HS3ST4: variants seen among roughly 807,000 people sequenced by gnomAD.
HS3ST4 encodes the protein heparan sulfate-glucosamine 3-sulfotransferase 4.
A neutral mutation model predicts 29.2 loss-of-function variants in HS3ST4; 17 were observed. The observed-to-expected ratio is 0.58, with a 90% CI of 0.40 to 0.87. The LOEUF is 0.87. Ranked by LOEUF, HS3ST4 falls within the 40% of genes least tolerant of loss-of-function variation. The pLI is 0.00. For missense variants in HS3ST4, 627 were observed against 634.5 expected, an observed-to-expected ratio of 0.99 and a Z score of 0.13; for synonymous variants, 314 against 285.7, an observed-to-expected ratio of 1.10 and a Z score of -1.00.
intron 1 of HS3ST4, among the ~76,000 whole-genome samples, chr16:25,717,779 C>G (rs1966466485): frequency 6.6e-6 from 1 of 152,010 alleles, no homozygotes; most frequent in Non-Finnish European, 1.5e-5. Context: ...ATGGTTTTAG[C>G]AGAGGGGTGG....
At chr16:25,722,533 G>C (rs769257026) in intron 1 of HS3ST4, among the ~76,000 whole-genome samples, 9 of 152,204 alleles carry the variant, frequency 5.9e-5, no homozygotes, top group Non-Finnish European at 1.0e-4. Flanking sequence ...ACAATACCGG[G>C]CCAGGGCATA....
rs1966266964 is a variant in HS3ST4, at chr16:25,692,925, G to A, written c.508G>A (p.Asp170Asn). Residue 170 changes from aspartate (D) to asparagine (N), a missense_variant, in exon 1 of 2, where the codon GAT (aspartate) becomes AAT (asparagine). Asp to Asn is a conservative substitution (Grantham distance 23). Coordinates refer to ENST00000331351, the MANE Select transcript of HS3ST4 (RefSeq NM_006040.3). The stretch of plus-strand genomic sequence containing the variant: ...GCAGGAGTCCAGCACCACCGACGAG[G>A]ATCTCGCAGGCCGGAGAGCGGCCAA... ...EAQESSTTDE[D>N]LAGRRAANGS... The A allele has an allele frequency of 1.2e-6, 2 of 1,605,210 alleles. No individual in the cohort carries two copies. Among genetic ancestry groups the A allele is most frequent in the East Asian group, 4.5e-5 (2 of 44,512 alleles).
rs534758916 is a variant in HS3ST4 at position 25,888,795 on chromosome 16, A to C, written c.734+195644A>C. Among the ~76,000 whole-genome samples the C allele has an allele frequency of 7.1e-4, 106 of 149,762 alleles. No homozygotes were observed. The Middle Eastern group carries it at 0.017, about 24-fold the overall frequency. ...CAAGAGGTATTCACAACAACAACAAAACAACAACAACAACAACAACTCTGA... is the reference window on the plus strand; with the variant it reads ...CAAGAGGTATTCACAACAACAACAACACAACAACAACAACAACAACTCTGA... On this transcript the variant is annotated intron_variant, in intron 1 of 1. Coordinates refer to ENST00000331351, the MANE Select transcript of HS3ST4 (RefSeq NM_006040.3).
intron 1 of HS3ST4, among the ~76,000 whole-genome samples, chr16:25,730,700 C>T (rs1966565366): frequency 6.7e-6 from 1 of 148,770 alleles, no homozygotes; most frequent in South Asian, 2.2e-4. Context: ...CTCCCTTCTT[C>T]CTTCCTTCCG....
intron 1 of HS3ST4, among the ~76,000 whole-genome samples, chr16:25,939,294 G>A (rs1481108562): frequency 6.7e-6 from 1 of 150,256 alleles, no homozygotes; most frequent in East Asian, 1.9e-4. Context: ...ACTTTTAAAT[G>A]CTGACAGCAT....
chr16:26,027,126 TTAAAG>T (rs1407571839), intron 1 of HS3ST4, among the ~76,000 whole-genome samples: 1 of 152,236 alleles, frequency 6.6e-6, no homozygotes, highest in Non-Finnish European at 1.5e-5. Flanking sequence ...AAAATAAAAC[TTAAAG>T]TAAAATCTGT....
intron 1 of HS3ST4, among the ~76,000 whole-genome samples, chr16:25,897,117 G>A (rs1968074071): frequency 6.6e-6 from 1 of 152,056 alleles, no homozygotes; most frequent in East Asian, 1.9e-4. Context: ...TACCTTTGTA[G>A]CACACCTGCA....
At chr16:25,706,525 G>A (rs1407064009) in intron 1 of HS3ST4, among the ~76,000 whole-genome samples, 8 of 151,838 alleles carry the variant, frequency 5.3e-5, no homozygotes, top group Admixed American at 5.3e-4. Flanking sequence ...AATGCTCTCC[G>A]TCCCCTAGCT....
At chr16:25,701,241 G>A (rs1484706022) in intron 1 of HS3ST4, among the ~76,000 whole-genome samples, 3 of 152,154 alleles carry the variant, frequency 2.0e-5, no homozygotes, top group African/African-American at 7.2e-5. Context: ...TTTTTCTTAA[G>A]AACTTCTGTA....
At chr16:26,011,858 A>T (rs757522356) in intron 1 of HS3ST4, among the ~76,000 whole-genome samples, 1 of 151,932 alleles carries the variant, frequency 6.6e-6, no homozygotes, top group Admixed American at 6.6e-5. Flanking sequence ...TGAGGTTGAG[A>T]TCTATGTCAC....
At chr16:25,780,443 G>T (rs1295852480) in intron 1 of HS3ST4, among the ~76,000 whole-genome samples, 1 of 152,134 alleles carries the variant, frequency 6.6e-6, no homozygotes, top group African/African-American at 2.4e-5. Flanking sequence ...GATCATAGGG[G>T]TCTCTTGTTG....
chr16:25,873,543 T>A (rs1355152795), intron 1 of HS3ST4, among the ~76,000 whole-genome samples: 1 of 150,782 alleles, frequency 6.6e-6, no homozygotes, highest in African/African-American at 2.4e-5. Flanking sequence ...TCTATCTTTC[T>A]CTATCTATCT....
chr16:25,821,441 C>T (rs1967155177), intron 1 of HS3ST4, among the ~76,000 whole-genome samples: 1 of 152,122 alleles, frequency 6.6e-6, no homozygotes, highest in South Asian at 2.1e-4. Context: ...GTGTTTTCCT[C>T]ATATTGATTT....
chr16:26,049,470 C>CTGTGTG (rs113562359), intron 1 of HS3ST4, among the ~76,000 whole-genome samples: 2,288 of 145,058 alleles, frequency 0.016, 67 homozygotes, highest in African/African-American at 0.046. Context: ...ATGCGTGCCT[C>CTGTGTG]TGTGTGTGTG....
chr16:25,983,033 C>G (rs1969024162), intron 1 of HS3ST4, among the ~76,000 whole-genome samples: 1 of 152,166 alleles, frequency 6.6e-6, no homozygotes, highest in African/African-American at 2.4e-5. Context: ...ATGGAGCTTA[C>G]ATTCCTGTGG....
chr16:25,991,535 G>T (rs1174195849), intron 1 of HS3ST4, among the ~76,000 whole-genome samples: 2 of 152,202 alleles, frequency 1.3e-5, no homozygotes, highest in Admixed American at 1.3e-4. Context: ...TAATCAGGAA[G>T]ATTAAGTTAG....
chr16:25,698,042 G>A lies in HS3ST4; in HGVS notation c.734+4891G>A, dbSNP rs558526379. Among the ~76,000 whole-genome samples the A allele has an allele frequency of 5.9e-5, 9 of 152,212 alleles. No homozygotes were observed. In the South Asian group the frequency reaches 1.7e-3, roughly 28 times the overall value. On this transcript the variant is annotated intron_variant, in intron 1 of 1. Transcript: ENST00000331351. ...TGCTGTCTGGATCTCACTTTGAGTA[G>A]CAAAGTCCTGGAAAGTAATTGGGGA...
intron 1 of HS3ST4, among the ~76,000 whole-genome samples, chr16:25,970,281 A>G (rs768957467): frequency 6.6e-6 from 1 of 152,218 alleles, no homozygotes; most frequent in Non-Finnish European, 1.5e-5. Context: ...GGACAACCAA[A>G]CTGTTGTGGG....
At chr16:26,047,086 C>G (rs1324682754) in intron 1 of HS3ST4, among the ~76,000 whole-genome samples, 2 of 152,212 alleles carry the variant, frequency 1.3e-5, no homozygotes, top group African/African-American at 4.8e-5. Flanking sequence ...TACATGATTG[C>G]TGTGTTCCAC....
Sources: allele counts gnomAD v4.1 joint callset (sites outside exome capture counted in the v4.1 genomes callset), GRCh38; gene constraint gnomAD v4.1.1; transcripts MANE v1.5; gene names NCBI Gene and HGNC (gene_info 2026-07-23, HGNC 2026-07-21).